Variants in SPAG16 observed in about 807,000 individuals in gnomAD.
SPAG16 encodes the protein sperm associated antigen 16.
In SPAG16, 86 loss-of-function variants were observed where a neutral mutation model predicts 80.4. That is an observed-to-expected ratio of 1.07 (90% CI 0.90 to 1.28). The LOEUF is 1.28. SPAG16 is among the 50% of genes most tolerant of loss of function. The pLI is 0.00. For missense variants in SPAG16, 870 were observed against 765.3 expected, an observed-to-expected ratio of 1.14 and a Z score of -1.61; for synonymous variants, 294 against 265.9, an observed-to-expected ratio of 1.11 and a Z score of -1.03.
intron 10 of SPAG16, among the ~76,000 whole-genome samples, chr2:213,784,760 A>G (rs1381669377): frequency 6.6e-6 from 1 of 151,618 alleles, no homozygotes; most frequent in East Asian, 1.9e-4. Flanking sequence ...TTACACCTCC[A>G]TTGTACTGGA....
intron 8 of SPAG16, among the ~76,000 whole-genome samples, chr2:213,368,365 A>C (rs1325326747): frequency 6.6e-6 from 1 of 152,174 alleles, no homozygotes; most frequent in South Asian, 2.1e-4. Flanking sequence ...TTGAATCTAT[A>C]CACTTCATGC....
intron 10 of SPAG16, among the ~76,000 whole-genome samples, chr2:213,806,445 T>A (rs769522868): frequency 6.6e-6 from 1 of 152,132 alleles, no homozygotes; most frequent in Non-Finnish European, 1.5e-5. Flanking sequence ...TGTTTTGTAA[T>A]GGTAAAGATG....
chr2:213,460,792 T>C (rs2072316347), intron 9 of SPAG16, among the ~76,000 whole-genome samples: 1 of 152,178 alleles, frequency 6.6e-6, no homozygotes, highest in South Asian at 2.1e-4. Flanking sequence ...GTAAATGTAT[T>C]TTTTAGAGCC....
At chr2:213,580,776 A>G (rs2060272345) in intron 10 of SPAG16, among the ~76,000 whole-genome samples, 1 of 152,114 alleles carries the variant, frequency 6.6e-6, no homozygotes, top group Non-Finnish European at 1.5e-5. Context: ...TGAAAATCTT[A>G]TTCATATTCC....
At chr2:213,626,838 G>T (rs1027322770) in intron 10 of SPAG16, among the ~76,000 whole-genome samples, 1 of 151,874 alleles carries the variant, frequency 6.6e-6, no homozygotes, top group African/African-American at 2.4e-5. Flanking sequence ...AATAGAGACG[G>T]TGTTTCACCA....
rs1254255827 is a variant in SPAG16 at position 213,859,202 on chromosome 2, AAAAAAAAAAAAAAAC to A, written c.1071-3282_1071-3268del. Among the ~76,000 whole-genome samples the A allele has an allele frequency of 5.0e-3, 674 of 135,842 alleles. 36 individuals are homozygous for A. The highest frequency in any genetic ancestry group is 0.014 in the African/African-American group (497 of 35,318). The allele number at this position is 135,842 out of a possible 152,430, so 89.1% of individuals were successfully genotyped here. ...TCAAAAAAAAAAAAAAAAAAAAAAA[AAAAAAAAAAAAAAAC>A]TCAATGTCCTCTGACAACTTGATGT... On this transcript the variant is annotated intron_variant, in intron 10 of 15. Coordinates refer to ENST00000331683, the MANE Select transcript of SPAG16 (RefSeq NM_024532.5).
At chr2:213,457,399 A>G (rs926957412) in intron 9 of SPAG16, among the ~76,000 whole-genome samples, 1 of 152,128 alleles carries the variant, frequency 6.6e-6, no homozygotes, top group Non-Finnish European at 1.5e-5. Context: ...CTGAAGTTCT[A>G]ATTTTCGTGG....
chr2:213,359,683 G>A (rs1015691724), intron 7 of SPAG16, among the ~76,000 whole-genome samples: 13 of 152,160 alleles, frequency 8.5e-5, no homozygotes, highest in African/African-American at 2.9e-4. Context: ...AGTCTGTTAT[G>A]GCTTCCCTTG....
chr2:213,369,586 G>T (rs578172010), intron 8 of SPAG16, among the ~76,000 whole-genome samples: 1 of 108,614 alleles, frequency 9.2e-6, no homozygotes, highest in Non-Finnish European at 2.5e-5. Context: ...TAGGCAAAGA[G>T]GATTTTTTTT....
At chr2:213,396,699 C>G (rs1193430178) in intron 9 of SPAG16, 2 of 452,398 alleles carry the variant, frequency 4.4e-6, no homozygotes, top group African/African-American at 2.0e-5. Context: ...CTAAGACTGC[C>G]CATCTTCAGG....
chr2:213,776,339 G>T (rs767795148), intron 10 of SPAG16, among the ~76,000 whole-genome samples: 3 of 152,194 alleles, frequency 2.0e-5, no homozygotes, highest in Non-Finnish European at 4.4e-5. Context: ...TTGGGAGAGG[G>T]CTATAAGCTA....
chr2:213,515,334 T>G (rs993838141), intron 10 of SPAG16, among the ~76,000 whole-genome samples: 1 of 152,140 alleles, frequency 6.6e-6, no homozygotes, highest in Non-Finnish European at 1.5e-5. Flanking sequence ...CCTCACATTG[T>G]TAGATGCGAG....
intron 15 of SPAG16, among the ~76,000 whole-genome samples, chr2:214,325,149 A>G (rs1200416671): frequency 1.3e-5 from 2 of 152,214 alleles, no homozygotes; most frequent in Non-Finnish European, 2.9e-5. Context: ...TTTGAGAACT[A>G]CAATACCAAA....
intron 12 of SPAG16, among the ~76,000 whole-genome samples, chr2:213,947,152 G>A (rs180866429): frequency 6.4e-4 from 97 of 152,200 alleles, no homozygotes; most frequent in Middle Eastern, 6.8e-3. Context: ...AAGCTGTAAT[G>A]AGCATTTACA....
chr2:213,841,294 A>G (rs1173554483), intron 10 of SPAG16, among the ~76,000 whole-genome samples: 1 of 152,184 alleles, frequency 6.6e-6, no homozygotes, highest in Non-Finnish European at 1.5e-5. Context: ...TTCACTTGGT[A>G]CAAAACCAGT....
chr2:214,232,451 G>C (rs1688762373), intron 15 of SPAG16, among the ~76,000 whole-genome samples: 1 of 151,978 alleles, frequency 6.6e-6, no homozygotes, highest in Non-Finnish European at 1.5e-5. Flanking sequence ...GCTGTGAAAA[G>C]TCCAGTTAGT....
At chr2:213,539,180 G>A (rs559578978) in intron 10 of SPAG16, among the ~76,000 whole-genome samples, 7 of 152,086 alleles carry the variant, frequency 4.6e-5, no homozygotes, top group African/African-American at 7.2e-5. Context: ...TATAAATTCC[G>A]TAGATTCATA....
At chr2:213,797,491 A>C (rs1000052362) in intron 10 of SPAG16, among the ~76,000 whole-genome samples, 2 of 152,206 alleles carry the variant, frequency 1.3e-5, no homozygotes, top group African/African-American at 4.8e-5. Context: ...TTGTGTTACA[A>C]TGCCTATAGT....
intron 12 of SPAG16, among the ~76,000 whole-genome samples, chr2:213,940,608 C>T (rs1185301099): frequency 2.6e-5 from 4 of 152,136 alleles, no homozygotes; most frequent in Non-Finnish European, 5.9e-5. Flanking sequence ...AAATCAAATG[C>T]ACTTTTTAGA....
Sources: allele counts gnomAD v4.1 joint callset (sites outside exome capture counted in the v4.1 genomes callset), GRCh38; gene constraint gnomAD v4.1.1; transcripts MANE v1.5; gene names NCBI Gene and HGNC (gene_info 2026-07-23, HGNC 2026-07-21).